BLOC1S1: variants seen among roughly 807,000 people sequenced by gnomAD.
The protein encoded by BLOC1S1 is biogenesis of lysosome-related organelles complex 1 subunit 1.
In BLOC1S1, 11 loss-of-function variants were observed where a neutral mutation model predicts 19.0. That is an observed-to-expected ratio of 0.58 (90% CI 0.37 to 0.96). The LOEUF (loss-of-function observed/expected upper bound fraction) is 0.96. BLOC1S1 is among the 40% of genes least tolerant of loss of function. The probability of loss-of-function intolerance (pLI) is 0.01; values close to 1 mark genes in which losing one functional copy is unlikely to be tolerated. For missense variants in BLOC1S1, 220 were observed against 195.9 expected, an observed-to-expected ratio of 1.12 and a Z score of -0.73; for synonymous variants, 94 against 76.4, an observed-to-expected ratio of 1.23 and a Z score of -1.20.
intron 1 of BLOC1S1, 161 bp downstream of exon 1, chr12:55,716,357 C>T: frequency 6.9e-7 from 1 of 1,455,060 alleles, no homozygotes; most frequent in Non-Finnish European, 9.0e-7. Context: ...TTTGAAACTC[C>T]TTTCCCTTGC....
chr12:55,716,758 C>T, intron 1 of BLOC1S1, 175 bp from the exon 2 acceptor site: 1 of 1,267,500 alleles, frequency 7.9e-7, no homozygotes, highest in Non-Finnish European at 1.0e-6. Context: ...TTCCTCATCT[C>T]TAAAATGAAA....
At chr12:55,718,666 G>T (rs1876753576) in intron 2 of BLOC1S1, among the ~76,000 whole-genome samples, 1 of 152,028 alleles carries the variant, frequency 6.6e-6, no homozygotes, top group Non-Finnish European at 1.5e-5. Flanking sequence ...TTCAGGGAGG[G>T]GCCCAATTTC....
At chr12:55,716,618 G>A (rs900216850) in intron 1 of BLOC1S1, 3 of 1,232,076 alleles carry the variant, frequency 2.4e-6, no homozygotes, top group Admixed American at 9.2e-5. Context: ...AGTCCGGGCT[G>A]GAAATCTCGG....
chr12:55,716,725 C>T, intron 1 of BLOC1S1: 6 of 1,295,738 alleles, frequency 4.6e-6, no homozygotes, highest in Non-Finnish European at 5.9e-6. Flanking sequence ...TGAGTGAGTC[C>T]ATTTCCCTCC....
chr12:55,718,104 G>C (rs1876712001), intron 2 of BLOC1S1, among the ~76,000 whole-genome samples: 1 of 152,200 alleles, frequency 6.6e-6, no homozygotes, highest in Non-Finnish European at 1.5e-5. Flanking sequence ...GGGCAGCTAA[G>C]CCAAAGCCAG....
Position 55,716,921 on chromosome 12 carries a change from C to T in BLOC1S1, c.146-12C>T, listed in dbSNP as rs761541045. ...AAGTCTCCCCTCCAATTCCTTTTCC[C>T]CCTCTCCCCAGAAAAGAGGAGGCGA... On this transcript the variant is annotated splice_polypyrimidine_tract_variant and intron_variant, in intron 1 of 3. Transcript: ENST00000548925. 6.3e-7 allele frequency: 1 copy of T among 1,580,226 alleles called. No homozygotes were observed. The highest frequency in any genetic ancestry group is 8.6e-7 in the Non-Finnish European group (1 of 1,166,698).
In BLOC1S1 at chr12:55,719,548, G is replaced by A. The variant is rs367697407; in HGVS notation, c.401G>A (p.Arg134His). Residue 134 changes from arginine to histidine, a missense_variant, in exon 4 of 4, where the codon CGC (arginine) becomes CAC (histidine). Coordinates refer to ENST00000548925, the MANE Select transcript of BLOC1S1 (RefSeq NM_001487.4). Reference sequence around the variant, plus strand: ...GCTCGGAGCATCGAGCTGGACATGCGCACCATTGCCACTGCACTGGAATAT... The same window carrying A: ...GCTCGGAGCATCGAGCTGGACATGCACACCATTGCCACTGCACTGGAATAT... ...NWARSIELDM[R>H]TIATALEYVY... 2.9e-5 allele frequency: 47 copies of A among 1,613,988 alleles called. No individual in the cohort carries two copies. Among genetic ancestry groups the A allele is most frequent in the East Asian group, 6.7e-5 (3 of 44,884 alleles).
intron 2 of BLOC1S1, among the ~76,000 whole-genome samples, 184 bp downstream of exon 2, chr12:55,717,189 C>G (rs1261718914): frequency 6.6e-6 from 1 of 152,186 alleles, no homozygotes; most frequent in Admixed American, 6.5e-5. Flanking sequence ...TAGCACTGGG[C>G]AAGGGAGGAA....
At chr12:55,717,464 G>T (rs543858534) in intron 2 of BLOC1S1, among the ~76,000 whole-genome samples, 1 of 152,260 alleles carries the variant, frequency 6.6e-6, no homozygotes, top group African/African-American at 2.4e-5. Flanking sequence ...GGGAGCTATG[G>T]CAGAGCCAGG....
chr12:55,719,216 C>T lies in BLOC1S1; in HGVS notation c.344C>T (p.Ala115Val). Reference protein sequence around the residue: ...WIGMVENFNQALKEIGDVENW... With the variant: ...WIGMVENFNQVLKEIGDVENW... ...GGAATGGTGGAGAACTTCAACCAGG[C>T]ACTCAAGGTGGGCCATACTCCCTAC... Residue 115 changes from alanine (A) to valine (V), a missense_variant, in exon 3 of 4, where the codon GCA (alanine) becomes GTA (valine). Coordinates refer to ENST00000548925, the MANE Select transcript of BLOC1S1 (RefSeq NM_001487.4). 6.2e-7 allele frequency: 1 copy of T among 1,614,002 alleles called. No individual in the cohort carries two copies.
rs764312100 is a variant in BLOC1S1, at chr12:55,719,572, A to G, written c.425A>G (p.Tyr142Cys). Residue 142 changes from tyrosine to cysteine, a missense_variant, in exon 4 of 4, where the codon TAT becomes TGT. Physicochemically the swap from Tyr to Cys is radical, Grantham distance 194. Transcript: ENST00000548925. ...CGCACCATTGCCACTGCACTGGAAT[A>G]TGTCTACAAAGGGCAGCTGCAGTCT... ...DMRTIATALE[Y>C]VYKGQLQSAP... The G allele has an allele frequency of 4.3e-6, 7 of 1,613,982 alleles. No homozygotes were observed. The Admixed American group carries it at 1.2e-4, about 27-fold the overall frequency.
At chr12:55,719,384 T>C in intron 3 of BLOC1S1, 115 bp from the exon 4 acceptor site, 1 of 1,459,742 alleles carries the variant, frequency 6.9e-7, no homozygotes, top group Non-Finnish European at 9.5e-7. Context: ...GAAAAGCAGT[T>C]GGTGGGTCCA....
Position 55,719,654 on chromosome 12 carries a change from G to A in BLOC1S1, c.*45G>A. ...CCCTATCCCTCCTACCTCACCCGCA[G>A]GGGGAAGGAGGGAGGCTGACAAGCC... On this transcript the variant is annotated 3_prime_UTR_variant, in exon 4 of 4. Coordinates refer to ENST00000548925, the MANE Select transcript of BLOC1S1 (RefSeq NM_001487.4). 6.6e-7 allele frequency: 1 copy of A among 1,511,794 alleles called. No homozygotes were observed. The highest frequency in any genetic ancestry group is 2.3e-5 in the East Asian group (1 of 44,124). 93.6% of individuals were successfully genotyped at this position (1,511,794 alleles called of 1,614,324 possible). A position where few individuals can be genotyped will look rare whatever the true frequency, so the allele number is the denominator to read the frequency against.
chr12:55,719,130 T>C lies in BLOC1S1; in HGVS notation c.258T>C (p.His86=), dbSNP rs1243814964. The change falls in exon 3 of 4, where the codon CAT becomes CAC. Residue 86 remains histidine (H), a synonymous_variant. Coordinates refer to ENST00000548925, the MANE Select transcript of BLOC1S1 (RefSeq NM_001487.4). Reference sequence around the variant, plus strand: ...ACATGAACCAGAGAAAGCTGGACCATGAGGTGAAGACCCTACAGGTCCAGG... The same window carrying C: ...ACATGAACCAGAGAAAGCTGGACCACGAGGTGAAGACCCTACAGGTCCAGG... The part of the protein sequence containing the change: ...QAYMNQRKLD[H]EVKTLQVQAA... The C allele has an allele frequency of 6.2e-7, 1 of 1,613,776 alleles. No individual in the cohort carries two copies. Among genetic ancestry groups the C allele is most frequent in the African/African-American group, 1.3e-5 (1 of 74,900 alleles).
Position 55,716,755 on chromosome 12 carries a change from T to C in BLOC1S1, c.146-178T>C, listed in dbSNP as rs574334101. ...CCCTCCCAGGGTACCAGTTTCCTCA[T>C]CTCTAAAATGAAAGAGGTTGCGCTA... On this transcript the variant is annotated intron_variant, in intron 1 of 3. Transcript: ENST00000548925. 8 of 1,267,660 alleles carry C rather than the reference T, an allele frequency of 6.3e-6. No individual in the cohort carries two copies. The African/African-American group carries it at 9.4e-5, about 15-fold the overall frequency. 78.5% of individuals were successfully genotyped at this position (1,267,660 alleles called of 1,614,324 possible).
chr12:55,716,620 A>G, intron 1 of BLOC1S1: 1 of 1,234,026 alleles, frequency 8.1e-7, no homozygotes, highest in Non-Finnish European at 1.0e-6. Flanking sequence ...TCCGGGCTGG[A>G]AATCTCGGAG....
Position 55,719,208 on chromosome 12 carries a change from C to G in BLOC1S1, c.336C>G (p.Phe112Leu), listed in dbSNP as rs1565653152. The change falls in exon 3 of 4, where the codon TTC becomes TTG. Residue 112 changes from phenylalanine (F) to leucine (L), a missense_variant. Coordinates refer to ENST00000548925, the MANE Select transcript of BLOC1S1 (RefSeq NM_001487.4). Reference sequence around the variant, plus strand: ...AGTGGATCGGAATGGTGGAGAACTTCAACCAGGCACTCAAGGTGGGCCATA... The same window carrying G: ...AGTGGATCGGAATGGTGGAGAACTTGAACCAGGCACTCAAGGTGGGCCATA... ...TGQWIGMVENFNQALKEIGDV... is the reference protein window; with the variant it reads ...TGQWIGMVENLNQALKEIGDV... The G allele has an allele frequency of 6.2e-7, 1 of 1,613,970 alleles. No individual in the cohort carries two copies. The highest frequency in any genetic ancestry group is 8.5e-7 in the Non-Finnish European group (1 of 1,180,006).
In BLOC1S1 at chr12:55,716,964, G is replaced by A. The variant is rs781668436; in HGVS notation, c.177G>A (p.Ala59=). The change falls in exon 2 of 4, where the codon GCG becomes GCA. Residue 59 remains alanine, a synonymous_variant. Coordinates refer to ENST00000548925, the MANE Select transcript of BLOC1S1 (RefSeq NM_001487.4). ...GGAGGCGAGAGGCTATCACTGCAGC[G>A]ACCTGCCTGACAGAAGCTTTGGTGG... ...EKRRREAITA[A]TCLTEALVDH... 3 of 1,596,024 alleles carry A rather than the reference G, an allele frequency of 1.9e-6. No homozygotes were observed. The highest frequency in any genetic ancestry group is 2.3e-5 in the East Asian group (1 of 42,854).
At position 55,719,655 on chromosome 12, in the gene BLOC1S1, G is replaced by T. The variant is rs774706522; in HGVS notation, c.*46G>T. 2.0e-6 allele frequency: 3 copies of T among 1,523,452 alleles called. No homozygotes were observed. Among genetic ancestry groups the T allele is most frequent in the Non-Finnish European group, 1.8e-6 (2 of 1,100,444 alleles). The allele number at this position is 1,523,452 out of a possible 1,614,324, so 94.4% of individuals were successfully genotyped here. A position where few individuals can be genotyped will look rare whatever the true frequency, so the allele number is the denominator to read the frequency against. ...CCTATCCCTCCTACCTCACCCGCAGGGGGAAGGAGGGAGGCTGACAAGCCT... is the reference window on the plus strand; with the variant it reads ...CCTATCCCTCCTACCTCACCCGCAGTGGGAAGGAGGGAGGCTGACAAGCCT... On this transcript the variant is annotated 3_prime_UTR_variant, in exon 4 of 4. Transcript: ENST00000548925.
Sources: allele counts gnomAD v4.1 joint callset (sites outside exome capture counted in the v4.1 genomes callset), GRCh38; gene constraint gnomAD v4.1.1; transcripts MANE v1.5; gene names NCBI Gene and HGNC (gene_info 2026-07-23, HGNC 2026-07-21).